Variants in FOXP2 observed in about 807,000 individuals in gnomAD.
FOXP2 encodes forkhead box protein P2.
In FOXP2, 12 loss-of-function variants were observed where a neutral mutation model predicts 115.8. The ratio of observed to expected loss-of-function variants is 0.10; its 90% CI spans 0.07 to 0.17. The LOEUF is 0.17. FOXP2 is among the 10% of genes least tolerant of loss of function. FOXP2 has a pLI of 1.00. For missense variants in FOXP2, 629 were observed against 843.5 expected, an observed-to-expected ratio of 0.75 and a Z score of 3.15; for synonymous variants, 328 against 297.7, an observed-to-expected ratio of 1.10 and a Z score of -1.05.
chr7:114,347,491 A>G (rs1243733980), intron 2 of FOXP2, among the ~76,000 whole-genome samples: 3 of 151,972 alleles, frequency 2.0e-5, no homozygotes, highest in Admixed American at 6.6e-5. Flanking sequence ...CACCCCAGCC[A>G]CTTTCACACT....
At chr7:114,139,675 T>A (rs745667754) in intron 1 of FOXP2, among the ~76,000 whole-genome samples, 1 of 152,218 alleles carries the variant, frequency 6.6e-6, no homozygotes, top group Non-Finnish European at 1.5e-5. Context: ...TCTTAAAGGC[T>A]ACTACTGTAT....
At chr7:114,318,726 T>TATATAC (rs1417603943) in intron 2 of FOXP2, among the ~76,000 whole-genome samples, 34 of 151,186 alleles carry the variant, frequency 2.2e-4, no homozygotes, top group South Asian at 6.2e-4. Context: ...TATATATATA[T>TATATAC]ACACACACAC....
chr7:114,158,038 G>A (rs550870451), intron 1 of FOXP2, among the ~76,000 whole-genome samples: 45 of 152,070 alleles, frequency 3.0e-4, no homozygotes, highest in Non-Finnish European at 6.0e-4. Flanking sequence ...CATTATTTGA[G>A]TAAGAGTCAG....
At chr7:114,493,848 T>TC (rs931517905) in intron 2 of FOXP2, among the ~76,000 whole-genome samples, 3 of 151,938 alleles carry the variant, frequency 2.0e-5, no homozygotes, top group Non-Finnish European at 4.4e-5. Flanking sequence ...TTTTTTTTTT[T>TC]CTTTTTGTGA....
At chr7:114,347,713 G>A (rs778359522) in intron 2 of FOXP2, among the ~76,000 whole-genome samples, 3 of 151,998 alleles carry the variant, frequency 2.0e-5, no homozygotes, top group Non-Finnish European at 4.4e-5. Flanking sequence ...ACCACCTGTG[G>A]TGAAGTTAGT....
Position 114,248,201 on chromosome 7 carries a change from A to AGAGC in FOXP2, c.-101-39815_-101-39814insCGAG, listed in dbSNP as rs1330486550. On this transcript the variant is annotated intron_variant, in intron 1 of 17. Transcript: ENST00000634411. ...AAAACAGAGAGAGAGAGAGAGAGAG[A>AGAGC]GAGAGAGAGAGACAGAGAGACAGAG... Among the ~76,000 whole-genome samples, 3 of 151,604 alleles carry AGAGC rather than the reference A, an allele frequency of 2.0e-5. No homozygotes were observed. The South Asian group carries it at 6.3e-4, about 32-fold the overall frequency.
chr7:114,236,925 C>T (rs182993368), intron 1 of FOXP2, among the ~76,000 whole-genome samples: 7 of 152,092 alleles, frequency 4.6e-5, no homozygotes, highest in Admixed American at 2.6e-4. Context: ...TGCAGTGAGC[C>T]GAGATCATGC....
chr7:114,502,081 G>T (rs1797586880), intron 2 of FOXP2, among the ~76,000 whole-genome samples: 1 of 151,914 alleles, frequency 6.6e-6, no homozygotes, highest in South Asian at 2.1e-4. Flanking sequence ...AAAGTGTGGG[G>T]TTTAAAACTG....
At chr7:114,187,694 A>G (rs1584532727) in intron 1 of FOXP2, among the ~76,000 whole-genome samples, 1 of 152,334 alleles carries the variant, frequency 6.6e-6, no homozygotes, top group Middle Eastern at 3.4e-3. Flanking sequence ...GGTATTTGTT[A>G]TAGTAACAAC....
At chr7:114,489,579 A>T (rs1007567256) in intron 2 of FOXP2, among the ~76,000 whole-genome samples, 11 of 151,812 alleles carry the variant, frequency 7.2e-5, no homozygotes, top group Admixed American at 5.3e-4. Context: ...GAGAGCTTGA[A>T]GCCACTAGAT....
chr7:114,598,385 C>G (rs752682205), intron 3 of FOXP2, among the ~76,000 whole-genome samples: 9 of 152,060 alleles, frequency 5.9e-5, no homozygotes, highest in Non-Finnish European at 1.0e-4. Flanking sequence ...ATGGATACTG[C>G]CTTACAACAG....
chr7:114,650,975 TA>T (rs1195487909), intron 8 of FOXP2, among the ~76,000 whole-genome samples: 4 of 152,092 alleles, frequency 2.6e-5, no homozygotes, highest in African/African-American at 4.8e-5. Flanking sequence ...TTGTTTATAA[TA>T]AAATTAGTTT....
chr7:114,204,568 C>T lies in FOXP2; in HGVS notation c.-102+41480C>T, dbSNP rs143240385. ...TCTCCCCTTCCCCGTTTTTCACATG[C>T]GATGATAATATCTCATACAACTGTT... On this transcript the variant is annotated intron_variant, in intron 1 of 17. Coordinates refer to the FOXP2 transcript ENST00000634411. Among the ~76,000 whole-genome samples, 132 of 152,060 alleles carry T rather than the reference C, an allele frequency of 8.7e-4. No homozygotes were observed. The Middle Eastern group carries it at 0.027, about 31-fold the overall frequency.
chr7:114,137,141 A>G (rs1792062995), intron 1 of FOXP2, among the ~76,000 whole-genome samples: 1 of 152,088 alleles, frequency 6.6e-6, no homozygotes, highest in Non-Finnish European at 1.5e-5. Context: ...TGAACCGTGT[A>G]TTATGTGATA....
At chr7:114,367,145 T>C (rs1405438305) in intron 2 of FOXP2, among the ~76,000 whole-genome samples, 2 of 152,096 alleles carry the variant, frequency 1.3e-5, no homozygotes, top group Non-Finnish European at 2.9e-5. Flanking sequence ...TTTAAACTCA[T>C]ATGAGTTAAA....
chr7:114,098,522 G>A (rs1420180834), intron 1 of FOXP2, among the ~76,000 whole-genome samples: 1 of 152,114 alleles, frequency 6.6e-6, no homozygotes, highest in African/African-American at 2.4e-5. Context: ...ATTTCTGCAT[G>A]CAAAAGAATG....
At chr7:114,407,464 C>T (rs981165284) in intron 2 of FOXP2, among the ~76,000 whole-genome samples, 1 of 151,998 alleles carries the variant, frequency 6.6e-6, no homozygotes, top group African/African-American at 2.4e-5. Flanking sequence ...TAACAGTAGT[C>T]TGCACTGTGG....
intron 1 of FOXP2, among the ~76,000 whole-genome samples, chr7:114,245,467 A>C (rs1795258205): frequency 6.6e-6 from 1 of 152,202 alleles, no homozygotes. Context: ...CTTTCACAAA[A>C]CATACTCACT....
At chr7:114,383,935 C>A (rs1341157827) in intron 2 of FOXP2, among the ~76,000 whole-genome samples, 1 of 152,200 alleles carries the variant, frequency 6.6e-6, no homozygotes, top group African/African-American at 2.4e-5. Context: ...ATTAGTGATG[C>A]TCACCAATGT....
Sources: gnomAD v4.1 joint callset for allele counts (sites outside exome capture counted in the v4.1 genomes callset) on GRCh38, gnomAD v4.1.1 for gene constraint, MANE v1.5 for transcripts, NCBI Gene and HGNC (gene_info 2026-07-23, HGNC 2026-07-21) for gene names.